The following SPDYE10 variants were observed in gnomAD, a reference collection of about 807,000 sequenced individuals.
SPDYE10 encodes the protein speedy protein E10.
the SPDYE10 span, among the ~76,000 whole-genome samples, chr7:73,114,891 C>A: frequency 7.0e-6 from 1 of 142,496 alleles, no homozygotes. Context: ...AGCTCCACAG[C>A]GGGTCATCTG....
the SPDYE10 span, among the ~76,000 whole-genome samples, chr7:73,126,431 C>T: frequency 9.1e-5 from 10 of 109,642 alleles, no homozygotes; most frequent in African/African-American, 2.5e-4. Flanking sequence ...CACTTGAACC[C>T]GGGAGGCAGA....
the SPDYE10 span, among the ~76,000 whole-genome samples, chr7:73,115,786 C>G: frequency 7.3e-4 from 8 of 10,944 alleles, no homozygotes; most frequent in African/African-American, 5.7e-3. Flanking sequence ...ATCACGAGAT[C>G]AAGATCAGCA....
chr7:73,141,070 C>CACA, the SPDYE10 span, among the ~76,000 whole-genome samples: 1 of 136,140 alleles, frequency 7.3e-6, no homozygotes, highest in Non-Finnish European at 1.6e-5. Context: ...TCCATTTCTA[C>CACA]CACACACACA....
the SPDYE10 span, among the ~76,000 whole-genome samples, chr7:73,126,506 CAAA>C: frequency 1.9e-4 from 9 of 47,894 alleles, no homozygotes; most frequent in Admixed American, 5.0e-4. Flanking sequence ...GACTCCATCT[CAAA>C]AAAAAAAAAA....
the SPDYE10 span, among the ~76,000 whole-genome samples, chr7:73,123,828 T>TCTCTCTCTCTCTCTCC: frequency 1.3e-5 from 2 of 150,748 alleles, no homozygotes; most frequent in South Asian, 4.2e-4. Context: ...TCTCTCTCTC[T>TCTCTCTCTCTCTCTCC]GGCTGGAGTG....
At chr7:73,134,531 G>GA in the SPDYE10 span, among the ~76,000 whole-genome samples, 49 of 97,362 alleles carry the variant, frequency 5.0e-4, no homozygotes, top group African/African-American at 3.5e-3. Flanking sequence ...AAAAAAGAAA[G>GA]AAAGAAAAAG....
the SPDYE10 span, chr7:73,155,048 C>CT: frequency 6.5e-6 from 1 of 153,352 alleles, no homozygotes; most frequent in Non-Finnish European, 1.4e-5. Flanking sequence ...GCGGCTCCCC[C>CT]TTGCAACTTG....
the SPDYE10 span, among the ~76,000 whole-genome samples, chr7:73,137,660 G>T: frequency 8.1e-6 from 1 of 122,742 alleles, no homozygotes; most frequent in African/African-American, 3.3e-5. Flanking sequence ...AAAGAAAAGA[G>T]AAAGAAAGAA....
chr7:73,113,648 C>G, the SPDYE10 span, among the ~76,000 whole-genome samples: 30 of 151,932 alleles, frequency 2.0e-4, no homozygotes, highest in Admixed American at 6.5e-4. Context: ...AATCCCAGCG[C>G]TTTGGGAGGC....
chr7:73,113,742 A>C, the SPDYE10 span, among the ~76,000 whole-genome samples: 2 of 152,004 alleles, frequency 1.3e-5, no homozygotes, highest in African/African-American at 4.9e-5. Flanking sequence ...AAAAATACAA[A>C]AAATTAGACG....
the SPDYE10 span, among the ~76,000 whole-genome samples, chr7:73,137,684 G>GC: frequency 1.4e-5 from 1 of 70,516 alleles, no homozygotes; most frequent in East Asian, 4.4e-4. Flanking sequence ...GGAGGGGAGG[G>GC]GAGGGAGAGG....
At chr7:73,139,529 G>T in the SPDYE10 span, among the ~76,000 whole-genome samples, 1 of 139,346 alleles carries the variant, frequency 7.2e-6, no homozygotes, top group Admixed American at 7.2e-5. Flanking sequence ...CACCATGTTG[G>T]CCAGGCTGGT....
chr7:73,149,349 G>A, the SPDYE10 span, among the ~76,000 whole-genome samples: 121 of 138,736 alleles, frequency 8.7e-4, no homozygotes, highest in Non-Finnish European at 1.1e-3. Context: ...GTGCAGTGGC[G>A]CAATCTCAGC....
chr7:73,114,880 CAGCT>C, the SPDYE10 span, among the ~76,000 whole-genome samples: 1 of 146,228 alleles, frequency 6.8e-6, no homozygotes, highest in African/African-American at 2.5e-5. Flanking sequence ...GGAACAGAGT[CAGCT>C]CCACAGCGGG....
the SPDYE10 span, among the ~76,000 whole-genome samples, chr7:73,114,942 T>C: frequency 8.1e-5 from 12 of 148,966 alleles, no homozygotes; most frequent in African/African-American, 3.0e-4. Context: ...AGTCTCGCTC[T>C]GTCATCCAGG....
the SPDYE10 span, among the ~76,000 whole-genome samples, chr7:73,120,894 C>T: frequency 2.0e-5 from 3 of 149,362 alleles, no homozygotes; most frequent in Non-Finnish European, 4.4e-5. Context: ...TGCAGTGGCC[C>T]ACTGCAACCT....
the SPDYE10 span, among the ~76,000 whole-genome samples, chr7:73,111,377 C>T: frequency 2.4e-3 from 342 of 143,792 alleles, no homozygotes; most frequent in African/African-American, 8.6e-3. Context: ...CCCTGGCTCT[C>T]TGAGTCCCTC....
At chr7:73,127,733 C>A in the SPDYE10 span, among the ~76,000 whole-genome samples, 8 of 109,040 alleles carry the variant, frequency 7.3e-5, no homozygotes, top group Admixed American at 7.9e-4. Context: ...TGTTCAACCA[C>A]AATGACAATC....
chr7:73,123,964 G>C, the SPDYE10 span, among the ~76,000 whole-genome samples: 1 of 151,528 alleles, frequency 6.6e-6, no homozygotes, highest in Non-Finnish European at 1.5e-5. Context: ...TTTTTGTAGA[G>C]ATAGGGTTTC....
Sources: allele counts gnomAD v4.1 joint callset (sites outside exome capture counted in the v4.1 genomes callset), GRCh38; gene constraint gnomAD v4.1.1; transcripts MANE v1.5; gene names NCBI Gene and HGNC (gene_info 2026-07-23, HGNC 2026-07-21).